DNAH5: variants seen among roughly 807,000 people sequenced by gnomAD.
DNAH5 encodes the protein dynein axonemal heavy chain 5, also known as axonemal beta dynein heavy chain 5.
In DNAH5, 372 loss-of-function variants were observed where a neutral mutation model predicts 518.2. The observed-to-expected ratio is 0.72, with a 90% CI of 0.66 to 0.78. DNAH5 has a LOEUF of 0.78. Ranked by LOEUF, DNAH5 falls within the 30% of genes least tolerant of loss-of-function variation. DNAH5 has a pLI of 0.00. For synonymous variants in DNAH5, 2,039 were observed against 2,025.9 expected, an observed-to-expected ratio of 1.01 and a Z score of -0.17; for missense variants, 5,523 against 5,687.0, an observed-to-expected ratio of 0.97 and a Z score of 0.93.
At chr5:13,825,608 CA>C (rs1444159199) in intron 38 of DNAH5, among the ~76,000 whole-genome samples, 30 of 152,012 alleles carry the variant, frequency 2.0e-4, no homozygotes, top group Non-Finnish European at 2.6e-4. Context: ...ATGGCAGTCA[CA>C]AAAAATCAAA....
chr5:13,762,575 G>A, intron 60 of DNAH5, 147 bp downstream of exon 60: 2 of 713,114 alleles, frequency 2.8e-6, no homozygotes, highest in East Asian at 2.7e-5. Context: ...AACATCCCAT[G>A]CTTGGCCTTT....
Position 13,839,494 on chromosome 5 carries a change from T to C in DNAH5, c.5744A>G (p.Glu1915Gly). The C allele has an allele frequency of 6.2e-7, 1 of 1,614,054 alleles. No individual in the cohort carries two copies. ...GTAAAATCTGCACTGTTTCAGCCAC[T>C]CAAAGTCCATGGGACTCTTGATATG... ...HMHIKSPMDFEWLKQCRFYFN... is the reference protein window; with the variant it reads ...HMHIKSPMDFGWLKQCRFYFN... Residue 1915 changes from glutamate to glycine, a missense_variant, in exon 35 of 79, where the codon GAG becomes GGG. Physicochemically the swap from Glu to Gly is moderately conservative, Grantham distance 98 (BLOSUM62 -2). This residue lies in a region of DNAH5 where 5,121 missense variants were observed against 5,223.3 expected (regional missense o/e 0.98). Coordinates refer to ENST00000265104, the MANE Select transcript of DNAH5 (RefSeq NM_001369.3).
In DNAH5 at chr5:13,940,410, A is replaced by T. The variant is rs190360659; in HGVS notation, c.57+3972T>A. On this transcript the variant is annotated intron_variant, in intron 1 of 78. Transcript: ENST00000265104. ...AAATGGCCCTTACCCATATGCTAAAAATATATATATATAATATGTCACCAT... is the reference window on the plus strand; with the variant it reads ...AAATGGCCCTTACCCATATGCTAAATATATATATATATAATATGTCACCAT... Among the ~76,000 whole-genome samples the T allele has an allele frequency of 2.8e-3, 430 of 152,054 alleles. 1 individual carries two copies. The highest frequency in any genetic ancestry group is 6.8e-3 in the Middle Eastern group (2 of 292).
intron 1 of DNAH5, among the ~76,000 whole-genome samples, chr5:13,935,978 T>C (rs1469972183): frequency 2.6e-5 from 4 of 152,228 alleles, no homozygotes; most frequent in Admixed American, 6.5e-5. Context: ...ATCTATTCAA[T>C]GTCCAAGGAA....
intron 16 of DNAH5, 117 bp from the exon 17 acceptor site, chr5:13,891,238 G>A (rs980348564): frequency 4.9e-5 from 53 of 1,092,504 alleles, no homozygotes; most frequent in South Asian, 3.1e-4. Context: ...TCTCAGTTAC[G>A]TATGTTCCCC....
intron 71 of DNAH5, among the ~76,000 whole-genome samples, 169 bp from the exon 72 acceptor site, chr5:13,719,270 A>G (rs1032432366): frequency 1.3e-5 from 2 of 152,220 alleles, no homozygotes; most frequent in Admixed American, 6.5e-5. Flanking sequence ...GCGATAAGCT[A>G]TTTTATTTTT....
At chr5:13,957,147 A>C (rs1458322308) in intron 1 of DNAH5, among the ~76,000 whole-genome samples, 1 of 152,204 alleles carries the variant, frequency 6.6e-6, no homozygotes, top group South Asian at 2.1e-4. Flanking sequence ...TAATCCAGAG[A>C]TACTGCATGT....
At chr5:13,917,084 ATTC>A in intron 8 of DNAH5, 56 bp downstream of exon 8, 1 of 1,296,004 alleles carries the variant, frequency 7.7e-7, no homozygotes, top group South Asian at 1.2e-5. Context: ...TCAATATTCA[ATTC>A]AGCTAGTGCA....
rs764207586 is a variant in DNAH5, at chr5:13,758,795, G to A, written c.10419+51C>T. ...CCACAAGAACCCAAACTCTTGGAGA[G>A]AGAAGCCGTGTAGATATGTGACAGT... On this transcript the variant is annotated intron_variant, in intron 61 of 78. Coordinates refer to ENST00000265104, the MANE Select transcript of DNAH5 (RefSeq NM_001369.3). The A allele has an allele frequency of 5.0e-6, 8 of 1,613,366 alleles. No homozygotes were observed. The South Asian group carries it at 8.8e-5, about 18-fold the overall frequency.
chr5:13,828,558 G>A (rs1019141794), intron 38 of DNAH5, among the ~76,000 whole-genome samples: 1 of 152,178 alleles, frequency 6.6e-6, no homozygotes, highest in African/African-American at 2.4e-5. Flanking sequence ...GTGATTATGT[G>A]TGTGTGATTA....
At chr5:13,695,960 A>G (rs1741318278) in intron 78 of DNAH5, among the ~76,000 whole-genome samples, 1 of 152,140 alleles carries the variant, frequency 6.6e-6, no homozygotes, top group Non-Finnish European at 1.5e-5. Flanking sequence ...TGACTTTAAC[A>G]GACTTCCAGG....
At chr5:13,789,009 T>A (rs1756525051) in intron 50 of DNAH5, 95 bp from the exon 51 acceptor site, 1 of 1,158,254 alleles carries the variant, frequency 8.6e-7, no homozygotes. Context: ...TCCTTCCTGA[T>A]TTAAGATTCA....
intron 40 of DNAH5, among the ~76,000 whole-genome samples, chr5:13,822,688 A>G (rs1178000246): frequency 6.6e-6 from 1 of 152,226 alleles, no homozygotes; most frequent in East Asian, 1.9e-4. Context: ...GGTTTACGTA[A>G]TTAATTTTCA....
chr5:13,724,970 C>A (rs371687758), intron 70 of DNAH5, among the ~76,000 whole-genome samples: 12 of 152,138 alleles, frequency 7.9e-5, no homozygotes, highest in Admixed American at 6.5e-4. Flanking sequence ...TTTATAGCAA[C>A]GCACAAACTA....
intron 65 of DNAH5, among the ~76,000 whole-genome samples, chr5:13,745,326 G>T (rs535488471): frequency 6.6e-6 from 1 of 152,010 alleles, no homozygotes; most frequent in Non-Finnish European, 1.5e-5. Flanking sequence ...CTACTCACAG[G>T]TGCATCAGAT....
chr5:13,901,244 G>A lies in DNAH5; in HGVS notation c.2052+8C>T, dbSNP rs781310813. Reference sequence around the variant, plus strand: ...AACAATGGGAAGAGTATAAATTTAGGGACTCACTTGCCGAAGCCACGCCCT... The same window carrying A: ...AACAATGGGAAGAGTATAAATTTAGAGACTCACTTGCCGAAGCCACGCCCT... On this transcript the variant is annotated splice_region_variant and intron_variant, in intron 14 of 78. Transcript: ENST00000265104. The A allele has an allele frequency of 6.2e-7, 1 of 1,612,442 alleles. No homozygotes were observed. The highest frequency in any genetic ancestry group is 1.7e-5 in the Admixed American group (1 of 60,022).
At chr5:13,746,547 A>G (rs1749362389) in intron 65 of DNAH5, among the ~76,000 whole-genome samples, 1 of 152,188 alleles carries the variant, frequency 6.6e-6, no homozygotes, top group Non-Finnish European at 1.5e-5. Flanking sequence ...ATGAAGCATC[A>G]TATCTTGGGT....
At chr5:13,942,325 CTTAG>C (rs1046410468) in intron 1 of DNAH5, among the ~76,000 whole-genome samples, 1 of 152,112 alleles carries the variant, frequency 6.6e-6, no homozygotes, top group Non-Finnish European at 1.5e-5. Context: ...TAGCGTGGAA[CTTAG>C]TTAAATATAT....
chr5:13,744,205 A>G (rs1175586036), intron 65 of DNAH5, among the ~76,000 whole-genome samples: 1 of 152,114 alleles, frequency 6.6e-6, no homozygotes, highest in Non-Finnish European at 1.5e-5. Flanking sequence ...ACTGGAGGTC[A>G]TTATGCTAAG....
Sources: gnomAD v4.1 joint callset for allele counts (sites outside exome capture counted in the v4.1 genomes callset) on GRCh38, gnomAD v4.1.1 for gene constraint, gnomAD v4.1.1 regional missense constraint, MANE v1.5 for transcripts, NCBI Gene and HGNC (gene_info 2026-07-23, HGNC 2026-07-21) for gene names.